The following EVC variants were observed in gnomAD, a reference collection of about 807,000 sequenced individuals.
EVC encodes EvC ciliary complex subunit 1.
In EVC, 116 loss-of-function variants were observed where a neutral mutation model predicts 118.9. That is an observed-to-expected ratio of 0.98 (90% confidence interval 0.84 to 1.14). EVC has a LOEUF of 1.14. Ranked by LOEUF, EVC falls within the 50% of genes most tolerant of loss-of-function variation. The probability of loss-of-function intolerance (pLI) is 0.00; values close to 1 mark genes in which losing one functional copy is unlikely to be tolerated. For missense variants in EVC, 1,401 were observed against 1,246.4 expected, an observed-to-expected ratio of 1.12 and a Z score of -1.87; for synonymous variants, 619 against 534.7, an observed-to-expected ratio of 1.16 and a Z score of -2.18.
At position 5,711,218 on chromosome 4, in the gene EVC, G is replaced by C; in HGVS notation, c.-163G>C. 2 of 328,760 alleles carry C rather than the reference G, an allele frequency of 6.1e-6. No individual in the cohort carries two copies. The highest frequency in any genetic ancestry group is 2.4e-4 in the South Asian group (2 of 8,446). 20.4% of individuals were successfully genotyped at this position (328,760 alleles called of 1,614,324 possible). On this transcript the variant is annotated 5_prime_UTR_variant, in exon 1 of 21. Transcript: ENST00000264956. The stretch of plus-strand genomic sequence containing the variant: ...TCCTCCCTCCGGCTCGGCGAAGCAG[G>C]GAAGGGGAGAGAAGCAGGAGTCGGG...
intron 12 of EVC, among the ~76,000 whole-genome samples, chr4:5,790,715 A>AT (rs1712610875): frequency 6.6e-6 from 1 of 152,210 alleles, no homozygotes; most frequent in Admixed American, 6.5e-5. Context: ...GTGTTCTTTT[A>AT]AAAACAGAGG....
chr4:5,718,772 G>A (rs749241353), intron 1 of EVC, among the ~76,000 whole-genome samples: 1 of 152,276 alleles, frequency 6.6e-6, no homozygotes, highest in African/African-American at 2.4e-5. Context: ...ATTCATTGTA[G>A]TTCAGAATAG....
chr4:5,715,740 CT>C (rs35287924), intron 1 of EVC, among the ~76,000 whole-genome samples: 10,728 of 70,366 alleles, frequency 0.15, 299 homozygotes, highest in Middle Eastern at 0.29. Flanking sequence ...TTTCCATTGT[CT>C]TTTTTTTTTT....
At chr4:5,797,596 C>T (rs932974627) in intron 14 of EVC, among the ~76,000 whole-genome samples, 1 of 152,184 alleles carries the variant, frequency 6.6e-6, no homozygotes, top group African/African-American at 2.4e-5. Flanking sequence ...TCAAGGCCCA[C>T]GTTAATGACC....
rs1051173152 is a variant in EVC at position 5,802,771 on chromosome 4, C to T, written c.2449+677C>T. 4.6e-5 allele frequency among the ~76,000 whole-genome samples: 7 copies of T among 152,128 alleles called. No individual in the cohort carries two copies. The South Asian group carries it at 8.3e-4, about 18-fold the overall frequency. On this transcript the variant is annotated intron_variant, in intron 16 of 20. Transcript: ENST00000264956. ...GGTGGAGCTCGGGCGGTAATGTGAG[C>T]GATGGGGAGCGGCTGTAAATACAGA...
chr4:5,745,389 C>T, intron 7 of EVC, 48 bp downstream of exon 7: 3 of 1,602,522 alleles, frequency 1.9e-6, no homozygotes, highest in Non-Finnish European at 1.7e-6. Flanking sequence ...GTTCCTAAAA[C>T]AGTTAAATTG....
the EVC span, chr4:5,821,583 G>GCAAA: frequency 1.6e-5 from 10 of 627,064 alleles, no homozygotes; most frequent in Non-Finnish European, 2.7e-5. This position sits in a 1 kb window ranked among gnomAD's most constrained non-coding sequence, Gnocchi z 4.4. Context: ...GAATTTCCAA[G>GCAAA]CAAACACACC....
At position 5,804,855 on chromosome 4, in the gene EVC, T is replaced by C; in HGVS notation, c.2561+14T>C. On this transcript the variant is annotated intron_variant, in intron 17 of 20. Transcript: ENST00000264956. Reference sequence around the variant, plus strand: ...GGTCCACCAGAGGTGAGGTCCCAACTGAGGTCCCACGTAGGGCTGTTCTCT... The same window carrying C: ...GGTCCACCAGAGGTGAGGTCCCAACCGAGGTCCCACGTAGGGCTGTTCTCT... 1 of 1,604,976 alleles carries C rather than the reference T, an allele frequency of 6.2e-7. No individual in the cohort carries two copies. Among genetic ancestry groups the C allele is most frequent in the South Asian group, 1.1e-5 (1 of 90,880 alleles).
chr4:5,814,829 T>C (rs536919060), downstream of EVC, among the ~76,000 whole-genome samples: 1 of 151,682 alleles, frequency 6.6e-6, no homozygotes, highest in East Asian at 2.0e-4. Context: ...GACTCACATC[T>C]CCAGAGATCC....
intron 11 of EVC, among the ~76,000 whole-genome samples, chr4:5,783,007 A>T (rs915518349): frequency 6.6e-6 from 1 of 152,078 alleles, no homozygotes; most frequent in African/African-American, 2.4e-5. Flanking sequence ...AAGGTTGGCG[A>T]GGAGAGCAGG....
chr4:5,820,461 C>A, the EVC span, among the ~76,000 whole-genome samples: 1 of 152,178 alleles, frequency 6.6e-6, no homozygotes, highest in African/African-American at 2.4e-5. Context: ...ATTGGAGCTT[C>A]CAGTCTGAGG....
chr4:5,734,876 C>A (rs1036572332), intron 5 of EVC, among the ~76,000 whole-genome samples: 3 of 152,212 alleles, frequency 2.0e-5, no homozygotes, highest in African/African-American at 7.2e-5. Context: ...CAGCTTTCCT[C>A]AGTGAGCTAC....
At chr4:5,740,660 G>A (rs192213441) in intron 5 of EVC, among the ~76,000 whole-genome samples, 100 of 152,206 alleles carry the variant, frequency 6.6e-4, no homozygotes, top group African/African-American at 2.3e-3. Flanking sequence ...ACAAGCTACA[G>A]AGTGAGAGAA....
rs145351449 is a variant in EVC at position 5,752,735 on chromosome 4, A to G, written c.1099-101A>G. ...GAGCTCCGCTCTCCCAGGCAGTGCCATTAGTTAATGACCCTGGTGGCTTCT... is the reference window on the plus strand; with the variant it reads ...GAGCTCCGCTCTCCCAGGCAGTGCCGTTAGTTAATGACCCTGGTGGCTTCT... On this transcript the variant is annotated intron_variant, in intron 8 of 20. Coordinates refer to ENST00000264956, the MANE Select transcript of EVC (RefSeq NM_153717.3). 6.3e-5 allele frequency: 74 copies of G among 1,182,140 alleles called. 1 individual carries two copies. Among genetic ancestry groups the G allele is most frequent in the Admixed American group, 3.4e-4 (20 of 58,388 alleles). The allele number at this position is 1,182,140 out of a possible 1,614,324, so 73.2% of individuals were successfully genotyped here. A position where few individuals can be genotyped will look rare whatever the true frequency, so the allele number is the denominator to read the frequency against.
chr4:5,804,062 C>G (rs547906338), intron 16 of EVC, among the ~76,000 whole-genome samples: 1 of 151,966 alleles, frequency 6.6e-6, no homozygotes, highest in Non-Finnish European at 1.5e-5. Flanking sequence ...CTCAGCCTCC[C>G]AAGTAGCTGG....
intron 2 of EVC, among the ~76,000 whole-genome samples, chr4:5,722,563 A>C (rs555394380): frequency 1.3e-5 from 2 of 152,274 alleles, no homozygotes; most frequent in Non-Finnish European, 1.5e-5. Context: ...ACCTCTGTTT[A>C]ATGAACAACT....
Position 5,743,589 on chromosome 4 carries a change from T to C in EVC, c.802-1615T>C, listed in dbSNP as rs1037960450. Among the ~76,000 whole-genome samples the C allele has an allele frequency of 6.6e-6, 1 of 152,172 alleles. No individual in the cohort carries two copies. Among genetic ancestry groups the C allele is most frequent in the Non-Finnish European group, 1.5e-5 (1 of 68,018 alleles). ...TCCTCATTGTCATCGTCATCGTCCT[T>C]GTTCCTACCACTGTGAGATCTGGGG... On this transcript the variant is annotated intron_variant, in intron 6 of 20. Coordinates refer to ENST00000264956, the MANE Select transcript of EVC (RefSeq NM_153717.3). This position sits in a 1 kb window ranked among gnomAD's most constrained non-coding sequence, Gnocchi z 4.7.
chr4:5,741,622 T>TG, intron 5 of EVC, 94 bp from the exon 6 acceptor site: 2 of 711,188 alleles, frequency 2.8e-6, no homozygotes, highest in East Asian at 2.7e-5. Flanking sequence ...AGAGAGGCAG[T>TG]GGGGGAGGGA....
rs1177300464 is a variant in EVC at position 5,743,467 on chromosome 4, G to A, written c.801+1653G>A. ...TCGTCATCGCATCATTGTTGTGATA[G>A]TCTTCATCAGCACCACCATCATCAC... is the stretch of plus-strand genomic sequence containing the variant. On this transcript the variant is annotated intron_variant, in intron 6 of 20. Transcript: ENST00000264956. This position sits in a 1 kb window ranked among gnomAD's most constrained non-coding sequence, Gnocchi z 4.7. Among the ~76,000 whole-genome samples the A allele has an allele frequency of 6.6e-6, 1 of 152,014 alleles. No individual in the cohort carries two copies. The highest frequency in any genetic ancestry group is 1.5e-5 in the Non-Finnish European group (1 of 68,022).
Sources: gnomAD v4.1 joint callset for allele counts (sites outside exome capture counted in the v4.1 genomes callset) on GRCh38, gnomAD v4.1.1 for gene constraint, Gnocchi (gnomAD v3.1) non-coding constraint, MANE v1.5 for transcripts, NCBI Gene and HGNC (gene_info 2026-07-23, HGNC 2026-07-21) for gene names.